RIPOR3: variants seen among roughly 807,000 people sequenced by gnomAD.
RIPOR3 encodes the protein RIPOR family member 3.
A neutral mutation model predicts 114.3 loss-of-function variants in RIPOR3; 95 were observed. That is an observed-to-expected ratio of 0.83 (90% CI 0.70 to 0.99). RIPOR3 has a LOEUF of 0.99. Ranked by LOEUF, RIPOR3 falls within the 50% of genes least tolerant of loss-of-function variation. RIPOR3 has a pLI of 0.00. For missense variants in RIPOR3, 1,252 were observed against 1,266.9 expected (o/e 0.99, Z 0.18); for synonymous variants, 575 against 543.8 (o/e 1.06, Z -0.80).
Position 50,608,910 on chromosome 20 carries a change from A to G in RIPOR3, c.684+2T>C. On this transcript the variant is annotated splice_donor_variant, in intron 9 of 21. Transcript: ENST00000327979. LOFTEE classifies it high-confidence loss of function. ...AGGATTGACCCCAGAGAGTGGCCGT[A>G]CCTCATAGTGGTCTCCGGGACAGAG... 6.3e-7 allele frequency: 1 copy of G among 1,596,112 alleles called. No homozygotes were observed. The highest frequency in any genetic ancestry group is 8.5e-7 in the Non-Finnish European group (1 of 1,171,848).
Position 50,596,053 on chromosome 20 carries a change from C to A in RIPOR3, c.1914+87G>T, listed in dbSNP as rs2083277179. The A allele has an allele frequency of 1.0e-5, 16 of 1,572,564 alleles. 1 individual carries two copies. In the South Asian group the frequency reaches 1.8e-4, roughly 18 times the overall value. On this transcript the variant is annotated intron_variant, in intron 15 of 21. Transcript: ENST00000327979. ...GATGCAGGTCTGTCACCCCTTCATG[C>A]TTCCCACCACCTTCAAGATGAGCCT...
intron 1 of RIPOR3, among the ~76,000 whole-genome samples, chr20:50,681,250 A>T (rs919606541): frequency 6.8e-4 from 86 of 125,770 alleles, no homozygotes; most frequent in African/African-American, 2.4e-3. Flanking sequence ...AAAGAAAAGA[A>T]AAGAAAAGAA....
intron 1 of RIPOR3, among the ~76,000 whole-genome samples, chr20:50,639,189 C>T (rs2085103738): frequency 6.6e-6 from 1 of 151,776 alleles, no homozygotes; most frequent in African/African-American, 2.4e-5. Context: ...TTGCAGTGAG[C>T]CAAGATTATG....
rs183079068 is a variant in RIPOR3, at chr20:50,681,674, C to T, written c.3+9452G>A. Among the ~76,000 whole-genome samples the T allele has an allele frequency of 5.9e-3, 906 of 152,328 alleles. 6 individuals carry two copies. Among genetic ancestry groups the T allele is most frequent in the Non-Finnish European group, 9.3e-3 (636 of 68,028 alleles). ...AAAGTGCATGCAACAGTGCCTGTCACGGACCAAGGATTCGCCCCTTCCTCA... is the reference window on the plus strand; with the variant it reads ...AAAGTGCATGCAACAGTGCCTGTCATGGACCAAGGATTCGCCCCTTCCTCA... On this transcript the variant is annotated intron_variant, in intron 1 of 21. Coordinates refer to ENST00000327979, the MANE Select transcript of RIPOR3 (RefSeq NM_001290268.2).
In RIPOR3 at chr20:50,609,615, C is replaced by G. The variant is rs1163473844; in HGVS notation, c.534G>C (p.Glu178Asp). 1.4e-6 allele frequency: 2 copies of G among 1,412,318 alleles called. No individual in the cohort carries two copies. The highest frequency in any genetic ancestry group is 1.5e-5 in the African/African-American group (1 of 66,990). The allele number at this position is 1,412,318 out of a possible 1,614,324, so 87.5% of individuals were successfully genotyped here. ...GGCTGCGGCCCAGCTCCTGCAGGCT[C>G]TCTCGGGCTGCGCGGCTCGGGGGGC... is the stretch of plus-strand genomic sequence containing the variant. ...ARCPPSRAAR[E>D]SLQELGRSLH... The change falls in exon 7 of 22, where the codon GAG (glutamate) becomes GAC (aspartate). Residue 178 changes from glutamate (E) to aspartate (D), a missense_variant. Physicochemically the swap from Glu to Asp is conservative, Grantham distance 45. Transcript: ENST00000327979.
chr20:50,665,167 T>A (rs572396996), intron 1 of RIPOR3, among the ~76,000 whole-genome samples: 199 of 151,790 alleles, frequency 1.3e-3, no homozygotes, highest in African/African-American at 4.3e-3. Context: ...CCGGGTGCGG[T>A]GGCTCACGCC....
At chr20:50,654,422 GTTTTTTT>G (rs34825514) in intron 1 of RIPOR3, among the ~76,000 whole-genome samples, 8 of 56,074 alleles carry the variant, frequency 1.4e-4, no homozygotes, top group Admixed American at 3.5e-4. Flanking sequence ...AGGAGGCAGA[GTTTTTTT>G]TTTTTTTTTT....
chr20:50,599,868 A>G (rs539986532), intron 13 of RIPOR3, among the ~76,000 whole-genome samples: 3 of 152,104 alleles, frequency 2.0e-5, no homozygotes, highest in South Asian at 4.2e-4. Flanking sequence ...TAAATCATGT[A>G]TATGTATGTG....
chr20:50,618,294 A>C (rs1218009339), intron 3 of RIPOR3, among the ~76,000 whole-genome samples: 1 of 130,398 alleles, frequency 7.7e-6, no homozygotes, highest in Non-Finnish European at 1.7e-5. Context: ...AAAAAAAAAA[A>C]AAAAAAAGGC....
In RIPOR3 at chr20:50,592,414, G is replaced by C; in HGVS notation, c.2507C>G (p.Thr836Ser). ...GCTGGCCGCCCTGCACACCCTCGGA[G>C]TGCCGTCCAGCTGGAGCAGCGCCCA... The part of the protein sequence containing the change: ...RAWALLQLDG[T>S]PRVCRAASAR... The change falls in exon 19 of 22, where the codon ACT becomes AGT. Residue 836 changes from threonine (T) to serine (S), a missense_variant. Transcript: ENST00000327979. 2 of 1,612,340 alleles carry C rather than the reference G, an allele frequency of 1.2e-6. No individual in the cohort carries two copies. Among genetic ancestry groups the C allele is most frequent in the Non-Finnish European group, 1.7e-6 (2 of 1,179,194 alleles).
intron 4 of RIPOR3, chr20:50,614,908 A>T (rs2084106082): frequency 1.2e-5 from 2 of 165,856 alleles, no homozygotes; most frequent in Non-Finnish European, 2.9e-5. Context: ...ATGTGAAAAA[A>T]CAGCTGGGCG....
Position 50,587,017 on chromosome 20 carries a change from G to C in RIPOR3, c.*215C>G. On this transcript the variant is annotated 3_prime_UTR_variant, in exon 22 of 22. Coordinates refer to ENST00000327979, the MANE Select transcript of RIPOR3 (RefSeq NM_001290268.2). ...CTCTGTTGAGGCCGTGCAGCCCCTG[G>C]AATGCTGTACCTTTGCCTTGCTTTT... 3 of 552,564 alleles carry C rather than the reference G, an allele frequency of 5.4e-6. No homozygotes were observed. Among genetic ancestry groups the C allele is most frequent in the South Asian group, 4.5e-5 (2 of 44,170 alleles). 34.2% of individuals were successfully genotyped at this position (552,564 alleles called of 1,614,324 possible).
At chr20:50,606,266 G>A (rs2083711163) in intron 11 of RIPOR3, among the ~76,000 whole-genome samples, 2 of 152,232 alleles carry the variant, frequency 1.3e-5, no homozygotes, top group African/African-American at 4.8e-5. Flanking sequence ...TAGCCAGATG[G>A]TGAGGGACAG....
At chr20:50,609,134 T>C (rs958596334) in intron 8 of RIPOR3, among the ~76,000 whole-genome samples, 159 bp downstream of exon 8, 1 of 152,106 alleles carries the variant, frequency 6.6e-6, no homozygotes, top group Admixed American at 6.5e-5. Context: ...CACACCAGGC[T>C]CAGAGAGGGG....
chr20:50,602,453 G>A lies in RIPOR3; in HGVS notation c.1278C>T (p.Thr426=). 1 of 1,577,500 alleles carries A rather than the reference G, an allele frequency of 6.3e-7. No individual in the cohort carries two copies. The highest frequency in any genetic ancestry group is 1.1e-5 in the South Asian group (1 of 87,620). The change falls in exon 13 of 22, where the codon ACC becomes ACT. Residue 426 remains threonine, a synonymous_variant. Coordinates refer to ENST00000327979, the MANE Select transcript of RIPOR3 (RefSeq NM_001290268.2). This position sits in a 1 kb window ranked among gnomAD's most constrained non-coding sequence, Gnocchi z 4.3. ...RDTETSTSAS[T]SDVGFLPLTF... ...TCAAGGGCAGGAAGCCCACATCTGA[G>A]GTGGACGCCGACGTGCTGGTCTCCG...
At chr20:50,638,856 A>T (rs2085093103) in intron 1 of RIPOR3, among the ~76,000 whole-genome samples, 1 of 152,278 alleles carries the variant, frequency 6.6e-6, no homozygotes, top group Middle Eastern at 3.4e-3. Flanking sequence ...AGATGAGAGC[A>T]TTTGGAGCCT....
intron 6 of RIPOR3, among the ~76,000 whole-genome samples, chr20:50,610,046 T>A (rs113578740): frequency 0.021 from 583 of 27,884 alleles, 5 homozygotes; most frequent in African/African-American, 0.055. Flanking sequence ...CACCCCTGCC[T>A]CCCCTGCCTC....
At chr20:50,666,506 G>A (rs1234317676) in intron 1 of RIPOR3, among the ~76,000 whole-genome samples, 1 of 151,642 alleles carries the variant, frequency 6.6e-6, no homozygotes, top group Non-Finnish European at 1.5e-5. Flanking sequence ...TTACAGGCGT[G>A]AGTCACCACG....
intron 3 of RIPOR3, among the ~76,000 whole-genome samples, chr20:50,616,730 A>G (rs1414404987): frequency 1.3e-5 from 2 of 152,176 alleles, no homozygotes; most frequent in Admixed American, 6.5e-5. Flanking sequence ...AAGAGGCTGA[A>G]CCCACGTCTG....
Sources: allele counts gnomAD v4.1 joint callset (sites outside exome capture counted in the v4.1 genomes callset), GRCh38; gene constraint gnomAD v4.1.1; non-coding constraint Gnocchi (gnomAD v3.1); transcripts MANE v1.5; gene names NCBI Gene and HGNC (gene_info 2026-07-23, HGNC 2026-07-21).